Variants in C2CD5 observed in about 807,000 individuals in gnomAD.
C2CD5 encodes the protein C2 domain-containing protein 5.
In C2CD5, 109 loss-of-function variants were observed where a neutral mutation model predicts 130.3. That is an observed-to-expected ratio of 0.84 (90% CI 0.72 to 0.98). C2CD5 has a LOEUF of 0.98. C2CD5 is among the 50% of genes least tolerant of loss of function. C2CD5 has a pLI of 0.00. For synonymous variants in C2CD5, 454 were observed against 429.2 expected, an observed-to-expected ratio of 1.06 and a Z score of -0.71; for missense variants, 996 against 1,261.8, an observed-to-expected ratio of 0.79 and a Z score of 3.19.
At chr12:22,478,157 G>T in intron 15 of C2CD5, 156 bp downstream of exon 15, 1 of 638,846 alleles carries the variant, frequency 1.6e-6, no homozygotes, top group Non-Finnish European at 2.8e-6. Flanking sequence ...ACCCGAAAAG[G>T]AGACAGTTGA....
chr12:22,543,899 A>G (rs1211860352), intron 2 of C2CD5, among the ~76,000 whole-genome samples, 162 bp downstream of exon 2: 1 of 151,672 alleles, frequency 6.6e-6, no homozygotes, highest in African/African-American at 2.4e-5. Context: ...CATCGCACAC[A>G]CTGAGGTCTC....
At chr12:22,526,711 T>TA (rs1950753466) in intron 4 of C2CD5, among the ~76,000 whole-genome samples, 1 of 151,822 alleles carries the variant, frequency 6.6e-6, no homozygotes, top group South Asian at 2.1e-4. Context: ...ATTAAGTAAA[T>TA]AAAAAATTCC....
Position 22,539,410 on chromosome 12 carries a change from T to G in C2CD5, c.91-4066A>C, listed in dbSNP as rs548378999. ...TCCTCTTCTAATAAACCTCTTAATATCAAGTTTTTTCAAGGATTCATCCTG... is the reference window on the plus strand; with the variant it reads ...TCCTCTTCTAATAAACCTCTTAATAGCAAGTTTTTTCAAGGATTCATCCTG... On this transcript the variant is annotated intron_variant, in intron 2 of 26. Coordinates refer to ENST00000446597, the MANE Select transcript of C2CD5 (RefSeq NM_001286176.2). Among the ~76,000 whole-genome samples the G allele has an allele frequency of 7.2e-5, 11 of 152,222 alleles. No homozygotes were observed. The South Asian group carries it at 2.3e-3, about 32-fold the overall frequency.
intron 8 of C2CD5, among the ~76,000 whole-genome samples, chr12:22,516,609 T>C (rs1949747349): frequency 6.6e-6 from 1 of 150,768 alleles, no homozygotes; most frequent in Non-Finnish European, 1.5e-5. Flanking sequence ...AAGGAAATGC[T>C]TTCCAAACTT....
At chr12:22,480,472 G>A (rs1463026958) in intron 14 of C2CD5, among the ~76,000 whole-genome samples, 1 of 152,210 alleles carries the variant, frequency 6.6e-6, no homozygotes, top group Non-Finnish European at 1.5e-5. Flanking sequence ...AACAGTGGTA[G>A]TTAACAGCAC....
intron 9 of C2CD5, among the ~76,000 whole-genome samples, chr12:22,510,768 G>C (rs1949096520): frequency 6.6e-6 from 1 of 152,146 alleles, no homozygotes; most frequent in African/African-American, 2.4e-5. Context: ...AAGTTCACTA[G>C]GTTTCTTGAC....
chr12:22,477,740 A>C (rs1470530617), intron 15 of C2CD5, among the ~76,000 whole-genome samples: 1 of 152,136 alleles, frequency 6.6e-6, no homozygotes, highest in African/African-American at 2.4e-5. Flanking sequence ...ACTTATTGCA[A>C]AGTTGGTAAA....
chr12:22,511,742 A>C (rs1021382187), intron 9 of C2CD5, among the ~76,000 whole-genome samples: 5 of 152,202 alleles, frequency 3.3e-5, no homozygotes, highest in African/African-American at 1.2e-4. Flanking sequence ...GTTTTTAAAG[A>C]TTCTTGGTAC....
At chr12:22,453,562 C>T (rs1247676680) in intron 26 of C2CD5, among the ~76,000 whole-genome samples, 1 of 152,114 alleles carries the variant, frequency 6.6e-6, no homozygotes, top group African/African-American at 2.4e-5. Flanking sequence ...TGGACAGCAT[C>T]ATAGTCCAAA....
chr12:22,453,107 T>C (rs1051174621), intron 26 of C2CD5, among the ~76,000 whole-genome samples: 1 of 152,192 alleles, frequency 6.6e-6, no homozygotes, highest in Non-Finnish European at 1.5e-5. Flanking sequence ...CTATTCATTC[T>C]TACTCCTGCT....
chr12:22,481,032 T>A (rs1944632149), intron 14 of C2CD5, among the ~76,000 whole-genome samples: 1 of 152,144 alleles, frequency 6.6e-6, no homozygotes, highest in African/African-American at 2.4e-5. Context: ...CTCAGACTCC[T>A]GGGCTTGAAC....
chr12:22,485,892 C>T (rs1945420203), intron 12 of C2CD5, among the ~76,000 whole-genome samples: 2 of 150,248 alleles, frequency 1.3e-5, no homozygotes, highest in Non-Finnish European at 3.0e-5. Flanking sequence ...TCTCTTCCTT[C>T]TACTCTCCTA....
intron 22 of C2CD5, chr12:22,463,307 C>T (rs563107096): frequency 6.6e-6 from 1 of 152,240 alleles, no homozygotes; most frequent in South Asian, 2.1e-4. Flanking sequence ...TGGAGAATCA[C>T]TTGAACCTGG....
At chr12:22,514,030 T>C (rs568549493) in intron 8 of C2CD5, among the ~76,000 whole-genome samples, 1 of 152,296 alleles carries the variant, frequency 6.6e-6, no homozygotes, top group African/African-American at 2.4e-5. Context: ...TACATAGTTA[T>C]GAATGAAAGA....
chr12:22,510,054 A>G (rs1949016921), intron 9 of C2CD5, among the ~76,000 whole-genome samples: 1 of 152,012 alleles, frequency 6.6e-6, no homozygotes, highest in African/African-American at 2.4e-5. Flanking sequence ...AAAATACAAA[A>G]ATTAGCCAGT....
At chr12:22,530,101 T>TACACACAC in intron 3 of C2CD5, among the ~76,000 whole-genome samples, 1 of 114,402 alleles carries the variant, frequency 8.7e-6, no homozygotes, top group African/African-American at 3.8e-5. Context: ...TATATATATA[T>TACACACAC]ATATATATAT....
chr12:22,473,492 C>T (rs1383504239), intron 16 of C2CD5, among the ~76,000 whole-genome samples: 9 of 152,142 alleles, frequency 5.9e-5, no homozygotes, highest in Non-Finnish European at 5.9e-5. Flanking sequence ...CCCAGGATCT[C>T]GAGCATTCTC....
chr12:22,542,308 C>A (rs11046462), intron 2 of C2CD5, among the ~76,000 whole-genome samples: 91,371 of 152,200 alleles, frequency 0.6, 31,992 homozygotes, highest in Non-Finnish European at 0.79. Flanking sequence ...GAGGCCGAAG[C>A]GGGAGAGGCA....
intron 14 of C2CD5, among the ~76,000 whole-genome samples, chr12:22,479,067 T>C (rs1485316956): frequency 6.6e-6 from 1 of 152,058 alleles, no homozygotes; most frequent in African/African-American, 2.4e-5. Flanking sequence ...TTTTTATGTT[T>C]CTACCTCACA....
Sources: allele counts gnomAD v4.1 joint callset (sites outside exome capture counted in the v4.1 genomes callset), GRCh38; gene constraint gnomAD v4.1.1; transcripts MANE v1.5; gene names NCBI Gene and HGNC (gene_info 2026-07-23, HGNC 2026-07-21).